The following PTPRT variants were observed in gnomAD, a reference collection of about 807,000 sequenced individuals.
PTPRT encodes the protein protein tyrosine phosphatase receptor type T, also known as receptor-type tyrosine-protein phosphatase T.
Under a neutral mutation model 176.8 loss-of-function variants are expected in PTPRT, and 56 were observed. That is an observed-to-expected ratio of 0.32 (90% CI 0.26 to 0.40). The LOEUF (loss-of-function observed/expected upper bound fraction) is 0.40, where lower values mean the gene tolerates loss of function less well. Ranked by LOEUF, PTPRT falls within the 10% of genes least tolerant of loss-of-function variation. The pLI is 1.00. For synonymous variants in PTPRT, 783 were observed against 739.0 expected, an observed-to-expected ratio of 1.06 and a Z score of -0.96; for missense variants, 1,540 against 1,908.2, an observed-to-expected ratio of 0.81 and a Z score of 3.60.
At chr20:42,245,019 C>T (rs1276510830) in intron 14 of PTPRT, among the ~76,000 whole-genome samples, 1 of 152,122 alleles carries the variant, frequency 6.6e-6, no homozygotes. Context: ...AGTGCTGAGT[C>T]AGTGATGAAG....
At chr20:42,343,066 C>T (rs1469051760) in intron 11 of PTPRT, among the ~76,000 whole-genome samples, 1 of 152,136 alleles carries the variant, frequency 6.6e-6, no homozygotes. Context: ...CTAGAGTTCC[C>T]ACACCCTGTG....
chr20:43,069,400 A>G (rs549155934), intron 1 of PTPRT, among the ~76,000 whole-genome samples: 1 of 152,382 alleles, frequency 6.6e-6, no homozygotes, highest in East Asian at 1.9e-4. Context: ...TTACATTAAC[A>G]TCAAAATGAT....
intron 9 of PTPRT, among the ~76,000 whole-genome samples, chr20:42,419,969 C>T (rs780730192): frequency 1.1e-4 from 17 of 152,230 alleles, no homozygotes; most frequent in Non-Finnish European, 1.8e-4. Context: ...CTCATAACAG[C>T]AGAAGCTGTG....
intron 6 of PTPRT, among the ~76,000 whole-genome samples, chr20:42,742,806 C>G (rs2076631411): frequency 6.6e-6 from 1 of 152,348 alleles, no homozygotes; most frequent in South Asian, 2.1e-4. Context: ...CAAGAAACAT[C>G]CTTCTGTCCC....
At chr20:42,691,190 G>C (rs977608823) in intron 6 of PTPRT, among the ~76,000 whole-genome samples, 3 of 152,208 alleles carry the variant, frequency 2.0e-5, no homozygotes, top group African/African-American at 7.2e-5. Context: ...GAAAGCACTG[G>C]AGGAAAAACA....
At chr20:42,189,411 C>T (rs1990906403) in intron 16 of PTPRT, among the ~76,000 whole-genome samples, 1 of 152,216 alleles carries the variant, frequency 6.6e-6, no homozygotes, top group African/African-American at 2.4e-5. Flanking sequence ...CCACTTACAA[C>T]TCTCCTCTTA....
intron 13 of PTPRT, among the ~76,000 whole-genome samples, chr20:42,269,951 C>G (rs1374827269): frequency 6.6e-6 from 1 of 152,194 alleles, no homozygotes; most frequent in Non-Finnish European, 1.5e-5. Context: ...GTCGCTTCCC[C>G]TGTGAAGCAC....
intron 1 of PTPRT, among the ~76,000 whole-genome samples, chr20:43,058,633 TAAC>T (rs756421207): frequency 1.4e-4 from 22 of 152,230 alleles, no homozygotes; most frequent in Non-Finnish European, 3.1e-4. Flanking sequence ...TCATGCAAAA[TAAC>T]AAAGTGGTCA....
At chr20:42,315,171 C>T (rs759617279) in intron 12 of PTPRT, among the ~76,000 whole-genome samples, 79 of 53,330 alleles carry the variant, frequency 1.5e-3, no homozygotes, top group Non-Finnish European at 7.0e-4. Context: ...GGCGACAGAG[C>T]GAGGCTCCGT....
intron 1 of PTPRT, among the ~76,000 whole-genome samples, chr20:43,013,488 A>G (rs917219947): frequency 2.6e-5 from 4 of 152,176 alleles, no homozygotes; most frequent in Non-Finnish European, 4.4e-5. Context: ...GTCTGCTTGC[A>G]TGGGAAATAA....
chr20:42,929,792 G>A (rs754250860), intron 1 of PTPRT, among the ~76,000 whole-genome samples: 1 of 152,232 alleles, frequency 6.6e-6, no homozygotes, highest in Non-Finnish European at 1.5e-5. Context: ...CTTGGCTCCT[G>A]CAAGCGTGGA....
chr20:42,203,094 T>C (rs886771321), intron 15 of PTPRT, among the ~76,000 whole-genome samples: 2 of 152,194 alleles, frequency 1.3e-5, no homozygotes, highest in Non-Finnish European at 2.9e-5. Flanking sequence ...ATAATAATGT[T>C]ATATAATCAT....
At chr20:42,379,369 T>C (rs2058679066) in intron 9 of PTPRT, among the ~76,000 whole-genome samples, 1 of 152,248 alleles carries the variant, frequency 6.6e-6, no homozygotes, top group Non-Finnish European at 1.5e-5. Context: ...AAATCCCAAC[T>C]GTTTAATCAT....
intron 1 of PTPRT, among the ~76,000 whole-genome samples, chr20:43,154,734 C>A (rs1324064178): frequency 6.6e-6 from 1 of 151,980 alleles, no homozygotes; most frequent in Non-Finnish European, 1.5e-5. Context: ...TTCTGCATGG[C>A]AAAGGAAACA....
intron 7 of PTPRT, among the ~76,000 whole-genome samples, chr20:42,624,992 T>G (rs2074264941): frequency 6.6e-6 from 1 of 152,064 alleles, no homozygotes; most frequent in Non-Finnish European, 1.5e-5. Context: ...GCAGCCAAAG[T>G]GAAAAGGAGA....
intron 6 of PTPRT, among the ~76,000 whole-genome samples, chr20:42,723,314 G>C (rs537455948): frequency 1.3e-5 from 2 of 152,176 alleles, no homozygotes; most frequent in South Asian, 2.1e-4. Context: ...AGAAAACGAG[G>C]GCTTGAATAT....
chr20:42,113,225 T>G (rs1382486412), intron 22 of PTPRT, among the ~76,000 whole-genome samples: 1 of 152,182 alleles, frequency 6.6e-6, no homozygotes, highest in Non-Finnish European at 1.5e-5. Flanking sequence ...CGTGGTTGTT[T>G]AAAAGACAAA....
intron 7 of PTPRT, among the ~76,000 whole-genome samples, chr20:42,619,310 G>A (rs1325196202): frequency 2.3e-5 from 3 of 133,138 alleles, no homozygotes; most frequent in Admixed American, 7.2e-5. Flanking sequence ...TGAGAGATCC[G>A]CTGTTAGTCT....
intron 1 of PTPRT, among the ~76,000 whole-genome samples, chr20:43,103,195 T>A (rs950178760): frequency 6.6e-6 from 1 of 152,126 alleles, no homozygotes; most frequent in Non-Finnish European, 1.5e-5. Context: ...TCACCCCTTG[T>A]CACCTGGTCC....
Sources: gnomAD v4.1 joint callset for allele counts (sites outside exome capture counted in the v4.1 genomes callset) on GRCh38, gnomAD v4.1.1 for gene constraint, MANE v1.5 for transcripts, NCBI Gene and HGNC (gene_info 2026-07-23, HGNC 2026-07-21) for gene names.